Variants in ZNF568 observed in about 807,000 individuals in gnomAD.
The protein encoded by ZNF568 is zinc finger protein 568.
A neutral mutation model predicts 18.1 loss-of-function variants in ZNF568; 11 were observed. That is an observed-to-expected ratio of 0.61 (90% confidence interval 0.38 to 1.00). The LOEUF (loss-of-function observed/expected upper bound fraction) is 1.00, where lower values mean the gene tolerates loss of function less well. Ranked by LOEUF, ZNF568 falls within the 50% of genes least tolerant of loss-of-function variation. The pLI is 0.01. For missense variants in ZNF568, 639 were observed against 768.2 expected, an observed-to-expected ratio of 0.83 and a Z score of 1.99; for synonymous variants, 213 against 246.6, an observed-to-expected ratio of 0.86 and a Z score of 1.28.
chr19:36,983,967 C>T (rs375041521), downstream of ZNF568, among the ~76,000 whole-genome samples: 984 of 142,924 alleles, frequency 6.9e-3, 5 homozygotes, highest in Non-Finnish European at 8.6e-3. Context: ...GGTGCGATCC[C>T]GGCTCACTGC....
intron 6 of ZNF568, among the ~76,000 whole-genome samples, chr19:36,940,477 C>T (rs2073862116): frequency 6.6e-6 from 1 of 152,098 alleles, no homozygotes; most frequent in East Asian, 1.9e-4. Flanking sequence ...ATTAGTCCAC[C>T]TGGAGAAAGA....
At chr19:36,983,042 A>C (rs988269935), downstream of ZNF568, among the ~76,000 whole-genome samples, 3 of 152,252 alleles carry the variant, frequency 2.0e-5, no homozygotes, top group African/African-American at 7.2e-5. Context: ...GAAATAATCA[A>C]AAGAATTATA....
intron 4 of ZNF568, among the ~76,000 whole-genome samples, chr19:36,935,199 TG>T (rs74174442): frequency 0.19 from 29,034 of 152,008 alleles, 2,892 homozygotes; most frequent in African/African-American, 0.26. Flanking sequence ...CTGTTAGATC[TG>T]GTTGGTATAT....
chr19:36,994,746 A>G (rs898023353), intron 4 of ZNF568, among the ~76,000 whole-genome samples: 35 of 152,068 alleles, frequency 2.3e-4, no homozygotes, highest in African/African-American at 8.5e-4. Flanking sequence ...ATCTCTGCTC[A>G]CTGCAACCTC....
intron 6 of ZNF568, among the ~76,000 whole-genome samples, chr19:36,948,683 T>C (rs905292490): frequency 1.5e-5 from 2 of 137,690 alleles, no homozygotes; most frequent in South Asian, 2.4e-4. Context: ...TTTTTTTTTT[T>C]CAGATTTCCT....
rs150181364 is a variant in ZNF568 at position 36,972,113 on chromosome 19, G to A, written c.359-2307G>A. Among the ~76,000 whole-genome samples, 3 of 152,284 alleles carry A rather than the reference G, an allele frequency of 2.0e-5. No homozygotes were observed. In the East Asian group the frequency reaches 5.8e-4, roughly 29 times the overall value. On this transcript the variant is annotated intron_variant, in intron 6 of 7. Transcript: ENST00000427117. ...CTCCCAAAGTGCTGGGATTACAGGT[G>A]TGAGCCACCGTGCCCAGCCTATAAC...
chr19:36,958,711 C>T (rs531130531), intron 6 of ZNF568, among the ~76,000 whole-genome samples: 23 of 149,410 alleles, frequency 1.5e-4, no homozygotes, highest in East Asian at 2.0e-4. Flanking sequence ...CTCCACCTCC[C>T]GGGTTCAAGC....
At chr19:36,971,008 T>C (rs926571204) in intron 6 of ZNF568, among the ~76,000 whole-genome samples, 5 of 151,994 alleles carry the variant, frequency 3.3e-5, no homozygotes, top group African/African-American at 1.2e-4. Flanking sequence ...TTTGGGAGGC[T>C]GAGGTGGGCG....
At chr19:36,923,776 A>C (rs2073498842) in intron 3 of ZNF568, among the ~76,000 whole-genome samples, 1 of 151,944 alleles carries the variant, frequency 6.6e-6, no homozygotes, top group South Asian at 2.1e-4. Context: ...CCCTACTCCC[A>C]AACTCTAGTC....
At chr19:36,992,629 C>T (rs1382262711) in intron 4 of ZNF568, among the ~76,000 whole-genome samples, 1 of 152,182 alleles carries the variant, frequency 6.6e-6, no homozygotes, top group Non-Finnish European at 1.5e-5. Context: ...AACCATTTTA[C>T]TTGCATTTTG....
intron 2 of ZNF568, among the ~76,000 whole-genome samples, chr19:36,985,061 C>G (rs2074364308): frequency 6.6e-6 from 1 of 152,014 alleles, no homozygotes; most frequent in African/African-American, 2.4e-5. Context: ...AGTTAAATAT[C>G]TATTAAGCCA....
At chr19:36,924,893 T>C (rs1164003802) in intron 3 of ZNF568, among the ~76,000 whole-genome samples, 2 of 151,934 alleles carry the variant, frequency 1.3e-5, no homozygotes, top group Non-Finnish European at 2.9e-5. Context: ...GGGGTAACTA[T>C]TATTATGTAC....
intron 5 of ZNF568, 32 bp from the exon 6 acceptor site, chr19:36,937,115 A>G: frequency 6.3e-7 from 1 of 1,599,410 alleles, no homozygotes; most frequent in Non-Finnish European, 8.6e-7. Flanking sequence ...TCCAGCATTG[A>G]CATCCACATC....
intron 6 of ZNF568, among the ~76,000 whole-genome samples, chr19:36,948,118 ACTCC>A (rs2073995907): frequency 6.6e-6 from 1 of 151,210 alleles, no homozygotes; most frequent in Non-Finnish European, 1.5e-5. Context: ...CTGTCCTAAA[ACTCC>A]TCTCTCTTCC....
intron 6 of ZNF568, among the ~76,000 whole-genome samples, chr19:36,972,069 G>A (rs1220893244): frequency 1.3e-5 from 2 of 152,022 alleles, no homozygotes; most frequent in Non-Finnish European, 2.9e-5. Flanking sequence ...TCTTGACCTC[G>A]TGATCCGCCC....
At position 36,951,021 on chromosome 19, in the gene ZNF568, T is replaced by G; in HGVS notation, c.1868T>G (p.Phe623Cys). Residue 623 changes from phenylalanine (F) to cysteine (C), a missense_variant, in exon 7 of 7, where the codon TTC becomes TGC. Physicochemically the swap from Phe to Cys is radical, Grantham distance 205 (BLOSUM62 -2). Transcript: ENST00000333987. ...GAATGTAATGAATGTGGGAAAGCAT[T>G]CTCTCAAAGAGCATCCCTTTCTATA... ...PFECNECGKAFSQRASLSIHK... is the reference protein window; with the variant it reads ...PFECNECGKACSQRASLSIHK... The G allele has an allele frequency of 6.2e-7, 1 of 1,611,238 alleles. No homozygotes were observed. Among genetic ancestry groups the G allele is most frequent in the Non-Finnish European group, 8.5e-7 (1 of 1,178,822 alleles).
chr19:36,985,228 T>G (rs952576082), intron 2 of ZNF568, among the ~76,000 whole-genome samples: 2 of 152,186 alleles, frequency 1.3e-5, no homozygotes, highest in Admixed American at 1.3e-4. Context: ...TGTTTTTTAT[T>G]TTATATTTTT....
Position 36,916,460 on chromosome 19 carries a change from T to C in ZNF568, c.-387T>C, listed in dbSNP as rs1175692165. 1 of 152,504 alleles carries C rather than the reference T, an allele frequency of 6.6e-6. No individual in the cohort carries two copies. The allele number at this position is 152,504 out of a possible 1,614,324, so 9.4% of individuals were successfully genotyped here. A position where few individuals can be genotyped will look rare whatever the true frequency, so the allele number is the denominator to read the frequency against. On this transcript the variant is annotated 5_prime_UTR_variant, in exon 1 of 7. Coordinates refer to ENST00000333987, the MANE Select transcript of ZNF568 (RefSeq NM_198539.4). This position sits in a 1 kb window ranked among gnomAD's most constrained non-coding sequence, Gnocchi z 5.3. ...CGCGCGGGATGAACATTCGGGTGTT[T>C]CCGGCAGGTGACGCTGCCGAGTCCC... is the stretch of plus-strand genomic sequence containing the variant.
At chr19:36,937,267 A>C in intron 6 of ZNF568, 25 bp downstream of exon 6, 1 of 1,593,604 alleles carries the variant, frequency 6.3e-7, no homozygotes, top group Non-Finnish European at 8.6e-7. Flanking sequence ...AGCAGCTCTG[A>C]ATGAGAAAGC....
Sources: allele counts gnomAD v4.1 joint callset (sites outside exome capture counted in the v4.1 genomes callset), GRCh38; gene constraint gnomAD v4.1.1; non-coding constraint Gnocchi (gnomAD v3.1); transcripts MANE v1.5; gene names NCBI Gene and HGNC (gene_info 2026-07-23, HGNC 2026-07-21).